TNIK: variants seen among roughly 807,000 people sequenced by gnomAD.
TNIK encodes TRAF2 and NCK-interacting protein kinase.
In TNIK, 49 loss-of-function variants were observed where a neutral mutation model predicts 191.3. The ratio of observed to expected loss-of-function variants is 0.26; its 90% CI spans 0.20 to 0.32. The LOEUF is 0.32. Ranked by LOEUF, TNIK falls within the 10% of genes least tolerant of loss-of-function variation. The probability of loss-of-function intolerance (pLI) is 1.00; values close to 1 mark genes in which losing one functional copy is unlikely to be tolerated. For missense variants in TNIK, 1,155 were observed against 1,702.3 expected (o/e 0.68, Z 5.66); for synonymous variants, 594 against 600.9 (o/e 0.99, Z 0.17).
In TNIK at chr3:171,341,657, A is replaced by G. The variant is rs114736389; in HGVS notation, c.123+27963T>C. 2.6e-3 allele frequency among the ~76,000 whole-genome samples: 396 copies of G among 152,308 alleles called. 3 individuals are homozygous for G. Among genetic ancestry groups the G allele is most frequent in the Non-Finnish European group, 1.5e-3 (102 of 68,022 alleles). ...ATGCGGAAACAAAAGCCCAAAAAAT[A>G]ACGTGATCATTTTACAAACATTCAC... On this transcript the variant is annotated intron_variant, in intron 2 of 32. Transcript: ENST00000436636.
At chr3:171,175,074 C>G (rs2108780155) in intron 9 of TNIK, among the ~76,000 whole-genome samples, 178 bp downstream of exon 9, 1 of 152,286 alleles carries the variant, frequency 6.6e-6, no homozygotes, top group South Asian at 2.1e-4. Context: ...GCTGTACAAA[C>G]AGTAGATACT....
At chr3:171,438,526 A>C (rs568647535) in intron 1 of TNIK, among the ~76,000 whole-genome samples, 1 of 152,358 alleles carries the variant, frequency 6.6e-6, no homozygotes, top group Non-Finnish European at 1.5e-5. Context: ...AAATGTAAAC[A>C]AGTCACTTGA....
At chr3:171,212,053 T>C (rs1236595258) in intron 3 of TNIK, among the ~76,000 whole-genome samples, 1 of 152,258 alleles carries the variant, frequency 6.6e-6, no homozygotes, top group Non-Finnish European at 1.5e-5. Context: ...ATTGTTGAGG[T>C]TGGGGGAGAA....
rs1414899993 is a variant in TNIK, at chr3:171,167,255, C to A, written c.789G>T (p.Gln263His). Residue 263 changes from glutamine to histidine, a missense_variant, in exon 10 of 33, where the codon CAG (glutamine) becomes CAT (histidine). Transcript: ENST00000436636. ...LKSKKWSKKF[Q>H]SFIESCLVKN... ...TTACCAAGCAGCTCTCAATAAATGA[C>A]TGGAATTTTTTTGACCTGCCAAACA... 6.2e-7 allele frequency: 1 copy of A among 1,612,242 alleles called. No individual in the cohort carries two copies. The highest frequency in any genetic ancestry group is 1.1e-5 in the South Asian group (1 of 90,494).
intron 26 of TNIK, among the ~76,000 whole-genome samples, chr3:171,083,265 A>G (rs891988690): frequency 3.3e-5 from 5 of 152,186 alleles, no homozygotes; most frequent in African/African-American, 9.7e-5. Context: ...TTTTTTGTCC[A>G]TATATTAATC....
rs974658943 is a variant in TNIK, at chr3:171,083,051, A to G, written c.3170-657T>C. 3.3e-5 allele frequency among the ~76,000 whole-genome samples: 5 copies of G among 152,294 alleles called. No homozygotes were observed. The East Asian group carries it at 9.6e-4, about 29-fold the overall frequency. ...GCCCAACACCCATGCAGTAATCCCT[A>G]TTACAGAAGCACAGGCACATAAGTG... On this transcript the variant is annotated intron_variant, in intron 26 of 32. Coordinates refer to ENST00000436636, the MANE Select transcript of TNIK (RefSeq NM_015028.4).
chr3:171,348,705 G>A (rs550673883), intron 2 of TNIK, among the ~76,000 whole-genome samples: 1 of 152,012 alleles, frequency 6.6e-6, no homozygotes, highest in Non-Finnish European at 1.5e-5. Flanking sequence ...AAATGGGGAG[G>A]GCCTACAACA....
chr3:171,443,872 A>G (rs1176382612), intron 1 of TNIK, among the ~76,000 whole-genome samples: 1 of 152,176 alleles, frequency 6.6e-6, no homozygotes, highest in Non-Finnish European at 1.5e-5. Context: ...TGATACTTTA[A>G]TGATATTAAC....
At chr3:171,180,591 C>T (rs1168167837) in intron 7 of TNIK, among the ~76,000 whole-genome samples, 1 of 152,194 alleles carries the variant, frequency 6.6e-6, no homozygotes. Flanking sequence ...ATGAAAGATA[C>T]ATGAGAGAAC....
chr3:171,397,356 G>T (rs1334022795), intron 1 of TNIK, among the ~76,000 whole-genome samples: 1 of 152,150 alleles, frequency 6.6e-6, no homozygotes, highest in South Asian at 2.1e-4. Context: ...AGCTATGTTG[G>T]GGGGTTAAAA....
At chr3:171,380,680 C>T (rs1314204609) in intron 1 of TNIK, among the ~76,000 whole-genome samples, 1 of 149,498 alleles carries the variant, frequency 6.7e-6, no homozygotes, top group Non-Finnish European at 1.5e-5. Flanking sequence ...CACCCCTCTT[C>T]ACAATACAGT....
intron 1 of TNIK, among the ~76,000 whole-genome samples, chr3:171,457,627 A>G (rs1375035049): frequency 9.9e-5 from 15 of 152,182 alleles, no homozygotes; most frequent in Non-Finnish European, 2.1e-4. Context: ...GAGATTACCT[A>G]TGTGGCCTTT....
intron 25 of TNIK, among the ~76,000 whole-genome samples, chr3:171,084,834 A>T: frequency 6.6e-6 from 1 of 151,416 alleles, no homozygotes; most frequent in South Asian, 2.1e-4. Context: ...TTTTGGGGAA[A>T]CATTTAGTTA....
intron 18 of TNIK, among the ~76,000 whole-genome samples, chr3:171,121,300 G>A (rs550771090): frequency 1.8e-4 from 27 of 152,202 alleles, no homozygotes; most frequent in Non-Finnish European, 3.1e-4. Context: ...CAGAGAGTAG[G>A]AGAGGTCTGT....
At chr3:171,234,366 C>T (rs76081980) in intron 2 of TNIK, among the ~76,000 whole-genome samples, 5,556 of 152,314 alleles carry the variant, frequency 0.036, 135 homozygotes, top group Middle Eastern at 0.092. Flanking sequence ...AAAAACCCTG[C>T]TCTCCATATG....
chr3:171,428,243 G>T (rs1009159872), intron 1 of TNIK, among the ~76,000 whole-genome samples: 3 of 152,196 alleles, frequency 2.0e-5, no homozygotes, highest in Non-Finnish European at 2.9e-5. Flanking sequence ...TAGTTGCATA[G>T]ATGTGAGAAG....
chr3:171,216,212 A>T (rs1741435564), intron 3 of TNIK, among the ~76,000 whole-genome samples: 1 of 152,208 alleles, frequency 6.6e-6, no homozygotes, highest in Non-Finnish European at 1.5e-5. Context: ...AAGCTTCTGA[A>T]ATAATTTGTA....
intron 1 of TNIK, among the ~76,000 whole-genome samples, chr3:171,424,534 G>A (rs920644611): frequency 2.0e-5 from 3 of 152,216 alleles, no homozygotes; most frequent in African/African-American, 7.2e-5. Context: ...ACATGCACAC[G>A]GATGTTTATT....
chr3:171,288,932 A>T (rs1751367020), intron 2 of TNIK, among the ~76,000 whole-genome samples: 1 of 152,144 alleles, frequency 6.6e-6, no homozygotes, highest in South Asian at 2.1e-4. Context: ...TTGAAAAAAA[A>T]CATTTAAAAA....
Sources: gnomAD v4.1 joint callset for allele counts (sites outside exome capture counted in the v4.1 genomes callset) on GRCh38, gnomAD v4.1.1 for gene constraint, MANE v1.5 for transcripts, NCBI Gene and HGNC (gene_info 2026-07-23, HGNC 2026-07-21) for gene names.